EPHA7: variants seen among roughly 807,000 people sequenced by gnomAD.
The protein encoded by EPHA7 is EPH receptor A7, also known as ephrin type-A receptor 7.
A neutral mutation model predicts 112.6 loss-of-function variants in EPHA7; 25 were observed. The observed-to-expected ratio is 0.22, with a 90% CI of 0.16 to 0.31. The LOEUF is 0.31. Among genes scored for constraint, EPHA7 ranks in the 10% least tolerant of loss-of-function variants. The probability of loss-of-function intolerance (pLI) is 1.00; values close to 1 mark genes in which losing one functional copy is unlikely to be tolerated. For synonymous variants in EPHA7, 437 were observed against 406.5 expected (o/e 1.07, Z -0.90); for missense variants, 962 against 1,212.6 (o/e 0.79, Z 3.07).
At position 93,329,976 on chromosome 6, in the gene EPHA7, C is replaced by G. The variant is rs138326945; in HGVS notation, c.1324+26741G>C. Among the ~76,000 whole-genome samples the G allele has an allele frequency of 5.0e-3, 752 of 151,320 alleles. 12 individuals are homozygous for G. Among genetic ancestry groups the G allele is most frequent in the African/African-American group, 0.018 (725 of 41,408 alleles). Reference sequence around the variant, plus strand: ...GTATAAGCAGGTTTATCTTTTTACACTAGTTAGAAGAAAAACTATATTTTG... The same window carrying G: ...GTATAAGCAGGTTTATCTTTTTACAGTAGTTAGAAGAAAAACTATATTTTG... On this transcript the variant is annotated intron_variant, in intron 5 of 16. Transcript: ENST00000369303.
intron 5 of EPHA7, among the ~76,000 whole-genome samples, chr6:93,324,399 C>A (rs768414846): frequency 5.9e-5 from 9 of 151,274 alleles, no homozygotes; most frequent in Non-Finnish European, 1.2e-4. Flanking sequence ...ACTAGATTTT[C>A]TAGCTTGGGG....
At chr6:93,318,864 CAGT>C (rs2127879714) in intron 5 of EPHA7, among the ~76,000 whole-genome samples, 1 of 152,138 alleles carries the variant, frequency 6.6e-6, no homozygotes, top group East Asian at 1.9e-4. Flanking sequence ...AAAAGAAAAA[CAGT>C]GGTGTTTTCT....
chr6:93,337,991 A>T (rs891061635), intron 5 of EPHA7, among the ~76,000 whole-genome samples: 3 of 152,022 alleles, frequency 2.0e-5, no homozygotes, highest in African/African-American at 7.2e-5. Context: ...AAAGAAAAGG[A>T]GGGAGGGAAG....
In EPHA7 at chr6:93,408,226, A is replaced by G. The variant is rs73532396; in HGVS notation, c.832+2275T>C. Among the ~76,000 whole-genome samples, 1,269 of 152,004 alleles carry G rather than the reference A, an allele frequency of 8.3e-3. 11 individuals carry two copies. The highest frequency in any genetic ancestry group is 0.029 in the African/African-American group (1,185 of 41,498). ...TAAAAGTTTTAAGTTCCTTTTTCATATCAATCAAGTTCTGCATAATATTGA... is the reference window on the plus strand; with the variant it reads ...TAAAAGTTTTAAGTTCCTTTTTCATGTCAATCAAGTTCTGCATAATATTGA... On this transcript the variant is annotated intron_variant, in intron 3 of 16. Transcript: ENST00000369303.
chr6:93,361,915 C>G (rs1379859017), intron 3 of EPHA7, among the ~76,000 whole-genome samples: 3 of 151,898 alleles, frequency 2.0e-5, no homozygotes, highest in Non-Finnish European at 4.4e-5. Flanking sequence ...AACTTTGTGT[C>G]TTTTGATGTT....
intron 3 of EPHA7, among the ~76,000 whole-genome samples, chr6:93,390,981 G>A (rs1429773216): frequency 3.3e-5 from 5 of 151,770 alleles, no homozygotes; most frequent in African/African-American, 1.2e-4. Context: ...TTTTTGTTGT[G>A]TTTGATCTAC....
chr6:93,404,832 C>T (rs779794442), intron 3 of EPHA7, among the ~76,000 whole-genome samples: 8 of 151,518 alleles, frequency 5.3e-5, no homozygotes, highest in Admixed American at 2.6e-4. Flanking sequence ...CAACTAAAAA[C>T]GAACAAAATC....
intron 3 of EPHA7, among the ~76,000 whole-genome samples, chr6:93,408,823 T>G (rs913657256): frequency 6.6e-6 from 1 of 152,082 alleles, no homozygotes; most frequent in Non-Finnish European, 1.5e-5. Flanking sequence ...GAGCCACAAA[T>G]GCAATTTTAA....
chr6:93,370,565 G>C (rs1338327379), intron 3 of EPHA7, among the ~76,000 whole-genome samples: 1 of 152,038 alleles, frequency 6.6e-6, no homozygotes, highest in African/African-American at 2.4e-5. Context: ...CAATTGTAGA[G>C]TAAGCAAAAA....
intron 3 of EPHA7, among the ~76,000 whole-genome samples, chr6:93,396,843 A>T (rs1246897115): frequency 6.6e-6 from 1 of 151,798 alleles, no homozygotes; most frequent in Non-Finnish European, 1.5e-5. Flanking sequence ...GGAAATTAAA[A>T]ATAAATTCAC....
In EPHA7 at chr6:93,373,458, G is replaced by T. The variant is rs138551917; in HGVS notation, c.833-15047C>A. Among the ~76,000 whole-genome samples the T allele has an allele frequency of 4.7e-3, 710 of 152,172 alleles. 5 individuals are homozygous for T. Among genetic ancestry groups the T allele is most frequent in the African/African-American group, 0.016 (671 of 41,556 alleles). ...GTCAGGGAAACTTGCGTGTAATTTAGTACTTTTACACTGCATTTCTTATAT... is the reference window on the plus strand; with the variant it reads ...GTCAGGGAAACTTGCGTGTAATTTATTACTTTTACACTGCATTTCTTATAT... On this transcript the variant is annotated intron_variant, in intron 3 of 16. Transcript: ENST00000369303.
chr6:93,408,064 C>T (rs1309040244), intron 3 of EPHA7, among the ~76,000 whole-genome samples: 1 of 151,932 alleles, frequency 6.6e-6, no homozygotes, highest in Non-Finnish European at 1.5e-5. Flanking sequence ...GAAACAACTG[C>T]CACAAAAACC....
intron 5 of EPHA7, among the ~76,000 whole-genome samples, chr6:93,286,629 A>T (rs902007651): frequency 2.0e-5 from 3 of 152,192 alleles, no homozygotes; most frequent in Non-Finnish European, 4.4e-5. Flanking sequence ...AAAGGAATTG[A>T]TTCAGATTTC....
intron 3 of EPHA7, among the ~76,000 whole-genome samples, chr6:93,376,816 A>C (rs1777082220): frequency 6.6e-6 from 1 of 152,232 alleles, no homozygotes; most frequent in Non-Finnish European, 1.5e-5. Context: ...CTCAAAACAT[A>C]AATTAATTGT....
intron 5 of EPHA7, among the ~76,000 whole-genome samples, chr6:93,315,946 G>A (rs963372210): frequency 6.6e-6 from 1 of 152,004 alleles, no homozygotes; most frequent in Admixed American, 6.6e-5. Flanking sequence ...CTATATAGAT[G>A]GAAAAAAGTT....
At chr6:93,260,977 T>C (rs969688192) in intron 9 of EPHA7, among the ~76,000 whole-genome samples, 10 of 151,666 alleles carry the variant, frequency 6.6e-5, no homozygotes, top group African/African-American at 2.2e-4. Flanking sequence ...TTTCATTTTT[T>C]TAAAATTTTG....
chr6:93,399,047 T>G (rs1270969297), intron 3 of EPHA7, among the ~76,000 whole-genome samples: 2 of 152,006 alleles, frequency 1.3e-5, no homozygotes, highest in South Asian at 4.1e-4. Flanking sequence ...TGCAGAAGGG[T>G]GATTGCCCCT....
intron 5 of EPHA7, among the ~76,000 whole-genome samples, chr6:93,355,086 ATCTT>A (rs1404906072): frequency 2.6e-5 from 4 of 152,190 alleles, no homozygotes; most frequent in African/African-American, 9.6e-5. Context: ...AAGTGGAACT[ATCTT>A]ATGACAACAG....
In EPHA7 at chr6:93,243,026, G is replaced by T. The variant is rs1769751473; in HGVS notation, c.*400C>A. On this transcript the variant is annotated 3_prime_UTR_variant, in exon 17 of 17. Coordinates refer to ENST00000369303, the MANE Select transcript of EPHA7 (RefSeq NM_004440.4). ...AAATGATTTTAAAAAGGAATAGTCT[G>T]AAATCACATATTTAAGGAAAATATT... 1.3e-5 allele frequency: 3 copies of T among 222,414 alleles called. No individual in the cohort carries two copies. The East Asian group carries it at 2.0e-4, about 15-fold the overall frequency. The allele number at this position is 222,414 out of a possible 1,614,324, so 13.8% of individuals were successfully genotyped here. A position where few individuals can be genotyped will look rare whatever the true frequency, so the allele number is the denominator to read the frequency against.
Sources: gnomAD v4.1 joint callset for allele counts (sites outside exome capture counted in the v4.1 genomes callset) on GRCh38, gnomAD v4.1.1 for gene constraint, MANE v1.5 for transcripts, NCBI Gene and HGNC (gene_info 2026-07-23, HGNC 2026-07-21) for gene names.